RALGPS1: variants seen among roughly 807,000 people sequenced by gnomAD.
The protein encoded by RALGPS1 is ras-specific guanine nucleotide-releasing factor RalGPS1.
RALGPS1 carries 19 observed loss-of-function variants against 78.8 expected under a neutral mutation model. That is an observed-to-expected ratio of 0.24 (90% CI 0.17 to 0.35). The LOEUF (loss-of-function observed/expected upper bound fraction) is 0.35. RALGPS1 is among the 10% of genes least tolerant of loss of function. The probability of loss-of-function intolerance (pLI) is 1.00; values close to 1 mark genes in which losing one functional copy is unlikely to be tolerated. For synonymous variants in RALGPS1, 228 were observed against 256.3 expected (o/e 0.89, Z 1.06); for missense variants, 454 against 688.3 (o/e 0.66, Z 3.81).
chr9:127,070,750 G>A (rs2789514), intron 8 of RALGPS1, among the ~76,000 whole-genome samples: 137,734 of 152,148 alleles, frequency 0.91, 62,449 homozygotes, highest in East Asian at 1. Flanking sequence ...CCAACATTAT[G>A]TAGAAGTGAC....
chr9:126,926,778 G>C (rs1394775127), intron 1 of RALGPS1, among the ~76,000 whole-genome samples: 2 of 152,122 alleles, frequency 1.3e-5, no homozygotes, highest in Non-Finnish European at 2.9e-5. Flanking sequence ...TGGGATGATG[G>C]GGTCCTGGCT....
chr9:126,955,707 A>G (rs1286322908), intron 1 of RALGPS1, among the ~76,000 whole-genome samples: 2 of 152,244 alleles, frequency 1.3e-5, no homozygotes, highest in Admixed American at 6.5e-5. Flanking sequence ...AGGCTTCACC[A>G]GACTGCCAGA....
intron 8 of RALGPS1, among the ~76,000 whole-genome samples, chr9:127,087,002 T>A (rs1304544568): frequency 6.6e-6 from 1 of 152,158 alleles, no homozygotes; most frequent in Admixed American, 6.5e-5. Flanking sequence ...TCTGAGCAAT[T>A]GAGTACCTGG....
At chr9:127,125,854 T>C (rs7854209) in intron 8 of RALGPS1, among the ~76,000 whole-genome samples, 8,925 of 152,278 alleles carry the variant, frequency 0.059, 853 homozygotes, top group African/African-American at 0.2. Flanking sequence ...GACATTTACA[T>C]GGTGGTAGAA....
At chr9:127,198,056 C>T (rs766268884) in intron 13 of RALGPS1, among the ~76,000 whole-genome samples, 5 of 152,228 alleles carry the variant, frequency 3.3e-5, no homozygotes, top group African/African-American at 7.2e-5. Flanking sequence ...AGATAGAAAA[C>T]GGAGTCAGAT....
At position 126,985,190 on chromosome 9, in the gene RALGPS1, T is replaced by G. The variant is rs936130035; in HGVS notation, c.216+7445T>G. On this transcript the variant is annotated intron_variant, in intron 4 of 18. Transcript: ENST00000259351. ...GCGTGGCAAGCTTTGGCCAGCTGTC[T>G]TGGAACTTTCCTTTTCCATGATGTA... 9.2e-5 allele frequency among the ~76,000 whole-genome samples: 14 copies of G among 152,324 alleles called. 1 individual carries two copies. The South Asian group carries it at 2.3e-3, about 25-fold the overall frequency.
Position 127,089,239 on chromosome 9 carries a change from T to C in RALGPS1, c.610+19883T>C, listed in dbSNP as rs1173345163. ...GGCAAAGCCCTCTCTGGGAGGCATC[T>C]GGAGCAAGAACGCTTGAAAGGTGGA... On this transcript the variant is annotated intron_variant, in intron 8 of 18. Coordinates refer to ENST00000259351, the MANE Select transcript of RALGPS1 (RefSeq NM_014636.3). 5.4e-5 allele frequency: 70 copies of C among 1,296,586 alleles called. No homozygotes were observed. In the Admixed American group the frequency reaches 1.3e-3, roughly 24 times the overall value. The allele number at this position is 1,296,586 out of a possible 1,614,324, so 80.3% of individuals were successfully genotyped here.
At chr9:127,042,995 C>CA (rs1298027705) in intron 5 of RALGPS1, among the ~76,000 whole-genome samples, 1 of 152,082 alleles carries the variant, frequency 6.6e-6, no homozygotes, top group Non-Finnish European at 1.5e-5. Context: ...ATGGAAACCT[C>CA]AAAAACTGAT....
chr9:127,117,101 T>G (rs1364569899), intron 8 of RALGPS1, among the ~76,000 whole-genome samples: 1 of 152,264 alleles, frequency 6.6e-6, no homozygotes, highest in African/African-American at 2.4e-5. Flanking sequence ...TGCCTTTGCA[T>G]GTGCTGTGCT....
intron 1 of RALGPS1, among the ~76,000 whole-genome samples, chr9:126,945,701 A>G (rs1277392584): frequency 6.6e-6 from 1 of 152,130 alleles, no homozygotes; most frequent in Non-Finnish European, 1.5e-5. Flanking sequence ...CACTGCACAC[A>G]GGGTGTTCTT....
At chr9:127,169,147 C>T (rs2059439446) in intron 10 of RALGPS1, among the ~76,000 whole-genome samples, 1 of 152,220 alleles carries the variant, frequency 6.6e-6, no homozygotes, top group Non-Finnish European at 1.5e-5. Context: ...CTGGTTCTCA[C>T]AAGTGACTCC....
intron 1 of RALGPS1, among the ~76,000 whole-genome samples, chr9:126,952,652 A>AGTGTGTGTGTGTGTGTGTGTGTGT (rs768212640): frequency 3.4e-4 from 42 of 122,392 alleles, no homozygotes; most frequent in Admixed American, 4.0e-4. Context: ...AGAGAGAGAG[A>AGTGTGTGTGTGTGTGTGTGTGTGT]GAGAGTGTGT....
At chr9:126,918,390 G>A (rs2034396219) in intron 1 of RALGPS1, among the ~76,000 whole-genome samples, 1 of 152,178 alleles carries the variant, frequency 6.6e-6, no homozygotes, top group Non-Finnish European at 1.5e-5. Context: ...AGATTGGAGT[G>A]CAGTGGCACA....
chr9:127,200,390 C>T (rs1358237724), intron 14 of RALGPS1, among the ~76,000 whole-genome samples: 2 of 152,230 alleles, frequency 1.3e-5, no homozygotes, highest in East Asian at 1.9e-4. Context: ...TCATAGTGTC[C>T]CCGTTTTATA....
chr9:126,950,935 A>T (rs551770171), intron 1 of RALGPS1, among the ~76,000 whole-genome samples: 5 of 152,258 alleles, frequency 3.3e-5, no homozygotes, highest in Admixed American at 6.5e-5. Context: ...ACTAATAAAG[A>T]AAAAAAGAGA....
chr9:126,957,542 CT>C (rs1453819101), intron 1 of RALGPS1, among the ~76,000 whole-genome samples: 1 of 152,198 alleles, frequency 6.6e-6, no homozygotes, highest in Non-Finnish European at 1.5e-5. Context: ...GATTGAGTCA[CT>C]TTAATCCTGT....
intron 4 of RALGPS1, among the ~76,000 whole-genome samples, chr9:127,004,654 C>G (rs1310169400): frequency 6.6e-6 from 1 of 152,158 alleles, no homozygotes. Flanking sequence ...TATGATTATA[C>G]ACATCTTTTT....
intron 11 of RALGPS1, among the ~76,000 whole-genome samples, chr9:127,191,694 T>G (rs1028506690): frequency 5.9e-5 from 7 of 118,650 alleles, no homozygotes; most frequent in African/African-American, 2.1e-4. Context: ...TTTTGGGTTT[T>G]TTTTTGTTTT....
rs148611087 is a variant in RALGPS1 at position 127,014,580 on chromosome 9, C to G, written c.217-19851C>G. On this transcript the variant is annotated intron_variant, in intron 4 of 18. Transcript: ENST00000259351. ...GTGAAATGTTGAATGAAATTATTATCTCATAATAATTTCATTATGAGATTA... is the reference window on the plus strand; with the variant it reads ...GTGAAATGTTGAATGAAATTATTATGTCATAATAATTTCATTATGAGATTA... 2.9e-4 allele frequency among the ~76,000 whole-genome samples: 44 copies of G among 152,232 alleles called. No homozygotes were observed. The East Asian group carries it at 3.3e-3, about 11-fold the overall frequency.
Sources: gnomAD v4.1 joint callset for allele counts (sites outside exome capture counted in the v4.1 genomes callset) on GRCh38, gnomAD v4.1.1 for gene constraint, MANE v1.5 for transcripts, NCBI Gene and HGNC (gene_info 2026-07-23, HGNC 2026-07-21) for gene names.